Variants in ATAT1 observed in about 807,000 individuals in gnomAD.
ATAT1 encodes alpha-tubulin N-acetyltransferase 1.
Under a neutral mutation model 57.2 loss-of-function variants are expected in ATAT1, and 42 were observed. The observed-to-expected ratio is 0.73, with a 90% CI of 0.57 to 0.95. The LOEUF is 0.95. ATAT1 is among the 40% of genes least tolerant of loss of function. ATAT1 has a pLI of 0.00. For synonymous variants in ATAT1, 168 were observed against 187.1 expected (o/e 0.90, Z 0.83); for missense variants, 454 against 523.7 (o/e 0.87, Z 1.30).
At chr6:30,641,796 A>G (rs1765506558) in intron 8 of ATAT1, 1 of 1,045,168 alleles carries the variant, frequency 9.6e-7, no homozygotes, top group African/African-American at 1.7e-5. Context: ...AGAGGAACCC[A>G]GGGTCCTCGT....
chr6:30,630,724 T>C (rs965046334), intron 6 of ATAT1, among the ~76,000 whole-genome samples: 1 of 151,930 alleles, frequency 6.6e-6, no homozygotes, highest in African/African-American at 2.4e-5. Context: ...GATCACCTGA[T>C]ATCAGGAGTT....
intron 6 of ATAT1, among the ~76,000 whole-genome samples, chr6:30,636,476 A>G (rs931103443): frequency 9.9e-5 from 15 of 151,956 alleles, no homozygotes; most frequent in Non-Finnish European, 1.5e-5. Flanking sequence ...GTCCCAGCTA[A>G]TCAGGAGGCT....
chr6:30,627,116 G>T lies in ATAT1; in HGVS notation c.-88G>T. On this transcript the variant is annotated 5_prime_UTR_variant, in exon 1 of 13. Coordinates refer to ENST00000330083, the MANE Select transcript of ATAT1 (RefSeq NM_001031722.4). The stretch of plus-strand genomic sequence containing the variant: ...TTTTGATGTCCAGGCCTGCCTTTTT[G>T]GTGACCTCTGACCCTGGGCCTAGTG... 1 of 1,583,844 alleles carries T rather than the reference G, an allele frequency of 6.3e-7. No homozygotes were observed. Among genetic ancestry groups the T allele is most frequent in the Admixed American group, 1.8e-5 (1 of 54,370 alleles).
intron 6 of ATAT1, among the ~76,000 whole-genome samples, chr6:30,637,996 A>T (rs1764512555): frequency 6.6e-6 from 1 of 151,920 alleles, no homozygotes; most frequent in Admixed American, 6.6e-5. Flanking sequence ...TCCCACCTCA[A>T]CCTCCCAAGT....
intron 10 of ATAT1, chr6:30,643,853 A>C: frequency 7.7e-7 from 1 of 1,302,146 alleles, no homozygotes; most frequent in Non-Finnish European, 9.8e-7. Flanking sequence ...GATGGCTCAT[A>C]CATTTATCTA....
At chr6:30,630,235 C>T (rs532611075) in intron 6 of ATAT1, among the ~76,000 whole-genome samples, 3 of 152,148 alleles carry the variant, frequency 2.0e-5, no homozygotes, top group South Asian at 2.1e-4. Flanking sequence ...ATGGGAGAAT[C>T]GCTTGAGCCT....
At chr6:30,641,805 G>A (rs1184741517) in intron 8 of ATAT1, 32 of 1,051,418 alleles carry the variant, frequency 3.0e-5, no homozygotes, top group Admixed American at 2.6e-4. Context: ...CAGGGTCCTC[G>A]TTGGCCCGGC....
rs1561889676 is a variant in ATAT1, at chr6:30,627,798, A to G, written c.225-53A>G. 2.5e-6 allele frequency: 4 copies of G among 1,606,130 alleles called. No individual in the cohort carries two copies. The South Asian group carries it at 3.3e-5, about 13-fold the overall frequency. On this transcript the variant is annotated intron_variant, in intron 3 of 12. Coordinates refer to ENST00000330083, the MANE Select transcript of ATAT1 (RefSeq NM_001031722.4). ...CTCAGCCCTTCCCCCATCTTTGACTATCTCTTGCAGATAGATACCACTAGC... is the reference window on the plus strand; with the variant it reads ...CTCAGCCCTTCCCCCATCTTTGACTGTCTCTTGCAGATAGATACCACTAGC...
chr6:30,643,068 T>C, intron 10 of ATAT1, 57 bp downstream of exon 10: 1 of 1,544,462 alleles, frequency 6.5e-7, no homozygotes, highest in Non-Finnish European at 8.7e-7. Context: ...ATGTTAGAAA[T>C]GGCAAAGGGC....
At chr6:30,641,976 G>A in intron 8 of ATAT1, 200 bp from the exon 9 acceptor site, 1 of 1,422,028 alleles carries the variant, frequency 7.0e-7, no homozygotes. Flanking sequence ...ACTCCTTCTG[G>A]CTTTCCTCAA....
intron 6 of ATAT1, among the ~76,000 whole-genome samples, chr6:30,628,860 C>T (rs1762225024): frequency 6.6e-6 from 1 of 151,964 alleles, no homozygotes; most frequent in Non-Finnish European, 1.5e-5. Flanking sequence ...GCCTTGGCCT[C>T]CCAAAATGCT....
intron 6 of ATAT1, among the ~76,000 whole-genome samples, chr6:30,639,562 T>C (rs200590621): frequency 1.3e-5 from 2 of 151,370 alleles, no homozygotes; most frequent in African/African-American, 4.9e-5. Context: ...CTGCAAGCTC[T>C]GCCTCCCGGG....
intron 6 of ATAT1, among the ~76,000 whole-genome samples, chr6:30,632,294 G>A (rs1005895401): frequency 1.7e-4 from 25 of 145,218 alleles, no homozygotes; most frequent in Non-Finnish European, 3.1e-4. Context: ...AAAAAATAGC[G>A]CCAGGTGTGG....
chr6:30,639,385 G>A (rs1162535107), intron 6 of ATAT1, among the ~76,000 whole-genome samples: 3 of 151,906 alleles, frequency 2.0e-5, no homozygotes, highest in Non-Finnish European at 2.9e-5. Context: ...TTTGTTCTGA[G>A]AGTTTTTCAT....
chr6:30,641,077 C>T (rs1765305715), intron 8 of ATAT1, among the ~76,000 whole-genome samples: 1 of 151,864 alleles, frequency 6.6e-6, no homozygotes, highest in Admixed American at 6.6e-5. Context: ...CTCAGAGGCA[C>T]TAAAATGCTG....
rs374508013 is a variant in ATAT1 at position 30,640,454 on chromosome 6, C to G, written c.547+32C>G. Reference sequence around the variant, plus strand: ...TTTTGCATTTTGTTGGTCACGTAGTCGGGGTGAGGGAAAGGAAAGAGCTGG... The same window carrying G: ...TTTTGCATTTTGTTGGTCACGTAGTGGGGGTGAGGGAAAGGAAAGAGCTGG... On this transcript the variant is annotated intron_variant, in intron 7 of 12. Transcript: ENST00000330083. The G allele has an allele frequency of 9.3e-6, 15 of 1,610,492 alleles. No individual in the cohort carries two copies. The African/African-American group carries it at 2.0e-4, about 22-fold the overall frequency.
At chr6:30,641,226 T>A (rs545253531) in intron 8 of ATAT1, among the ~76,000 whole-genome samples, 16 of 152,286 alleles carry the variant, frequency 1.1e-4, no homozygotes, top group African/African-American at 3.9e-4. Context: ...CAGTGCTTGC[T>A]TGCACAGAAG....
At chr6:30,643,408 G>A (rs1765957261) in intron 10 of ATAT1, 15 of 1,497,462 alleles carry the variant, frequency 1.0e-5, no homozygotes, top group Non-Finnish European at 1.3e-5. Context: ...CAGCAGGCAG[G>A]GAGTGGGCAT....
chr6:30,642,255 G>A lies in ATAT1; in HGVS notation c.688+8G>A. The A allele has an allele frequency of 1.9e-6, 3 of 1,614,120 alleles. No homozygotes were observed. The highest frequency in any genetic ancestry group is 2.2e-5 in the South Asian group (2 of 91,070). On this transcript the variant is annotated splice_region_variant and intron_variant, in intron 9 of 12. Coordinates refer to ENST00000330083, the MANE Select transcript of ATAT1 (RefSeq NM_001031722.4). ...CCTCTAGTGACCGAGAATGTAAGAG[G>A]GGCAAGGGTCGGGTGTCTGGGCCTG...
Sources: allele counts gnomAD v4.1 joint callset (sites outside exome capture counted in the v4.1 genomes callset), GRCh38; gene constraint gnomAD v4.1.1; transcripts MANE v1.5; gene names NCBI Gene and HGNC (gene_info 2026-07-23, HGNC 2026-07-21).